Variants in CSMD1 observed in about 807,000 individuals in gnomAD.
The protein encoded by CSMD1 is CUB and sushi domain-containing protein 1.
CSMD1 carries 213 observed loss-of-function variants against 417.5 expected under a neutral mutation model. The ratio of observed to expected loss-of-function variants is 0.51; its 90% confidence interval spans 0.46 to 0.57. CSMD1 has a LOEUF of 0.57. Among genes scored for constraint, CSMD1 ranks in the 20% least tolerant of loss-of-function variants. The probability of loss-of-function intolerance (pLI) is 0.00; values close to 1 mark genes in which losing one functional copy is unlikely to be tolerated. For missense variants in CSMD1, 6,923 were observed against 4,529.7 expected (o/e 1.53, Z -15.17); for synonymous variants, 2,862 against 1,736.8 (o/e 1.65, Z -16.11).
At chr8:3,274,699 T>C (rs1376969045) in intron 26 of CSMD1, among the ~76,000 whole-genome samples, 2 of 152,196 alleles carry the variant, frequency 1.3e-5, no homozygotes, top group African/African-American at 2.4e-5. Flanking sequence ...TCTTTGTCTC[T>C]TTTGATCTTT....
intron 50 of CSMD1, among the ~76,000 whole-genome samples, chr8:3,037,606 G>C (rs1029244783): frequency 1.3e-5 from 2 of 152,162 alleles, no homozygotes; most frequent in African/African-American, 4.8e-5. Flanking sequence ...CTTTTGGGTA[G>C]ATGCCCCGTA....
intron 63 of CSMD1, 117 bp from the exon 64 acceptor site, chr8:2,955,885 T>C (rs1802969412): frequency 1.5e-6 from 1 of 675,312 alleles, no homozygotes. Context: ...TATGTATATA[T>C]ACATATATAT....
At chr8:3,031,306 G>T (rs568646460) in intron 50 of CSMD1, among the ~76,000 whole-genome samples, 274 of 125,722 alleles carry the variant, frequency 2.2e-3, no homozygotes, top group Non-Finnish European at 3.4e-3. Flanking sequence ...ACACTCTGGG[G>T]ACTGTTGTGG....
chr8:4,284,339 G>A (rs1421967732), intron 3 of CSMD1, among the ~76,000 whole-genome samples: 6 of 152,036 alleles, frequency 3.9e-5, no homozygotes, highest in Admixed American at 1.3e-4. Context: ...ATGCACTCCA[G>A]CCTGGGGGAC....
intron 1 of CSMD1, among the ~76,000 whole-genome samples, chr8:4,725,397 C>T (rs1457229390): frequency 1.3e-5 from 2 of 152,104 alleles, no homozygotes; most frequent in Non-Finnish European, 2.9e-5. Flanking sequence ...TGTGAAAGCG[C>T]AATAATATAA....
chr8:3,820,475 C>T (rs1801668285), intron 5 of CSMD1, among the ~76,000 whole-genome samples: 1 of 152,198 alleles, frequency 6.6e-6, no homozygotes, highest in Non-Finnish European at 1.5e-5. Context: ...TACCTTGTCC[C>T]ACTGGAAGTT....
intron 5 of CSMD1, among the ~76,000 whole-genome samples, chr8:3,808,094 C>G (rs1018862003): frequency 6.6e-6 from 1 of 152,062 alleles, no homozygotes; most frequent in East Asian, 1.9e-4. Context: ...TTATAGAAGA[C>G]CTGTTCACCC....
chr8:4,427,232 C>A (rs185031684), intron 2 of CSMD1, among the ~76,000 whole-genome samples: 1 of 152,140 alleles, frequency 6.6e-6, no homozygotes, highest in Admixed American at 6.5e-5. Context: ...AGGCACACGC[C>A]GTGCCCTGAA....
intron 7 of CSMD1, among the ~76,000 whole-genome samples, chr8:3,645,462 A>G (rs1247338428): frequency 2.0e-5 from 3 of 152,198 alleles, no homozygotes; most frequent in Non-Finnish European, 4.4e-5. Context: ...TAAAGCAGAC[A>G]TTTACTAACT....
At chr8:4,307,323 C>T (rs928354751) in intron 3 of CSMD1, among the ~76,000 whole-genome samples, 5 of 152,096 alleles carry the variant, frequency 3.3e-5, no homozygotes, top group Admixed American at 2.0e-4. Flanking sequence ...TCACACATGT[C>T]CACATTGAGG....
chr8:4,349,861 G>C (rs947263257), intron 3 of CSMD1, among the ~76,000 whole-genome samples: 1 of 135,468 alleles, frequency 7.4e-6, no homozygotes, highest in African/African-American at 2.8e-5. Flanking sequence ...TTTTAACTAT[G>C]TAATGTTACC....
intron 5 of CSMD1, among the ~76,000 whole-genome samples, chr8:3,810,406 G>C (rs564656967): frequency 6.6e-5 from 10 of 152,290 alleles, no homozygotes; most frequent in Non-Finnish European, 1.5e-4. Flanking sequence ...GGAGAGCTAA[G>C]TCCAAGTGTT....
intron 1 of CSMD1, among the ~76,000 whole-genome samples, chr8:4,973,172 A>C (rs1471571786): frequency 6.6e-6 from 1 of 152,180 alleles, no homozygotes; most frequent in African/African-American, 2.4e-5. Context: ...TATCTTGCAG[A>C]ACACTTTATT....
intron 41 of CSMD1, among the ~76,000 whole-genome samples, chr8:3,136,248 T>A (rs867948273): frequency 6.6e-6 from 1 of 151,352 alleles, no homozygotes; most frequent in African/African-American, 2.4e-5. Flanking sequence ...CAAGCCTTTT[T>A]TTTTTCTTTT....
At chr8:3,281,019 T>C (rs1048184530) in intron 26 of CSMD1, among the ~76,000 whole-genome samples, 1 of 152,174 alleles carries the variant, frequency 6.6e-6, no homozygotes, top group African/African-American at 2.4e-5. Context: ...CCATGAACCC[T>C]CTTCTTAGGT....
intron 5 of CSMD1, among the ~76,000 whole-genome samples, chr8:3,819,363 A>G (rs1801584407): frequency 6.6e-6 from 1 of 152,170 alleles, no homozygotes; most frequent in Non-Finnish European, 1.5e-5. Context: ...TTTTATCATT[A>G]TAGCTACCCT....
chr8:3,506,997 A>C (rs185880224), intron 10 of CSMD1, among the ~76,000 whole-genome samples: 10 of 152,236 alleles, frequency 6.6e-5, no homozygotes, highest in Admixed American at 1.3e-4. Flanking sequence ...TTTCTAATAT[A>C]CATTTTCATA....
At position 3,639,178 on chromosome 8, in the gene CSMD1, A is replaced by G. The variant is rs1039527574; in HGVS notation, c.1010-22381T>C. 3.9e-5 allele frequency among the ~76,000 whole-genome samples: 6 copies of G among 152,336 alleles called. No homozygotes were observed. The South Asian group carries it at 1.2e-3, about 32-fold the overall frequency. The stretch of plus-strand genomic sequence containing the variant: ...AGTAAAGGCCGCTCAATTCAAGAGG[A>G]CAGAGTAAGTCAGAAAGTAAAGACA... On this transcript the variant is annotated intron_variant, in intron 7 of 69. Transcript: ENST00000635120.
chr8:4,887,351 G>A lies in CSMD1; in HGVS notation c.85+106981C>T, dbSNP rs116249233. 5.5e-3 allele frequency among the ~76,000 whole-genome samples: 832 copies of A among 152,056 alleles called. 12 individuals are homozygous for A. The highest frequency in any genetic ancestry group is 0.019 in the African/African-American group (774 of 41,454). ...AACATATTTTGTAGGATTTCAATCCGTTTAAATGTATTAAGGCTTATTTTA... is the reference window on the plus strand; with the variant it reads ...AACATATTTTGTAGGATTTCAATCCATTTAAATGTATTAAGGCTTATTTTA... On this transcript the variant is annotated intron_variant, in intron 1 of 69. Transcript: ENST00000635120.
Sources: gnomAD v4.1 joint callset for allele counts (sites outside exome capture counted in the v4.1 genomes callset) on GRCh38, gnomAD v4.1.1 for gene constraint, MANE v1.5 for transcripts, NCBI Gene and HGNC (gene_info 2026-07-23, HGNC 2026-07-21) for gene names.